Variants in TMEM204 observed in about 807,000 individuals in gnomAD.
The protein encoded by TMEM204 is transmembrane protein 204.
TMEM204 carries 15 observed loss-of-function variants against 19.4 expected under a neutral mutation model. That is an observed-to-expected ratio of 0.77 (90% CI 0.52 to 1.19). The LOEUF is 1.19. Among genes scored for constraint, TMEM204 ranks in the 50% most tolerant of loss-of-function variants. The pLI is 0.00. For missense variants in TMEM204, 287 were observed against 321.2 expected (o/e 0.89, Z 0.81); for synonymous variants, 161 against 146.0 (o/e 1.10, Z -0.74).
rs2030801125 is a variant in TMEM204 at position 1,534,123 on chromosome 16, A to G, written c.-153A>G. On this transcript the variant is annotated 5_prime_UTR_variant, in exon 1 of 3. Transcript: ENST00000566264. ...ATAAGGCCGGGCCGAGAGGCGGCAC[A>G]CCTGGACCATCCCATGGGCCTCCGC... The G allele has an allele frequency of 1.1e-6, 1 of 944,706 alleles. No homozygotes were observed. Among genetic ancestry groups the G allele is most frequent in the Admixed American group, 3.0e-5 (1 of 33,586 alleles). The allele number at this position is 944,706 out of a possible 1,614,324, so 58.5% of individuals were successfully genotyped here.
rs890623041 is a variant in TMEM204 at position 1,553,634 on chromosome 16, G to A, written c.437-1148G>A. 28 of 1,046,420 alleles carry A rather than the reference G, an allele frequency of 2.7e-5. No individual in the cohort carries two copies. The highest frequency in any genetic ancestry group is 3.1e-5 in the Non-Finnish European group (27 of 860,048). The allele number at this position is 1,046,420 out of a possible 1,614,324, so 64.8% of individuals were successfully genotyped here. A position where few individuals can be genotyped will look rare whatever the true frequency, so the allele number is the denominator to read the frequency against. ...AAGAAACAGACTCACTCAGGTTACT[G>A]TAACAGAGAGGGAGGGGTGCTGGGT... On this transcript the variant is annotated intron_variant, in intron 2 of 2. Transcript: ENST00000566264. The surrounding 1 kb of genome is among the most constrained non-coding windows in gnomAD (Gnocchi z 4.4).
intron 1 of TMEM204, among the ~76,000 whole-genome samples, 179 bp from the exon 2 acceptor site, chr16:1,541,742 G>T (rs2031659661): frequency 6.6e-6 from 1 of 152,152 alleles, no homozygotes; most frequent in South Asian, 2.1e-4. Flanking sequence ...GGGACCCAGG[G>T]CTTGCAGGCA....
At position 1,545,152 on chromosome 16, in the gene TMEM204, C is replaced by G. The variant is rs367635945; in HGVS notation, c.436+3076C>G. On this transcript the variant is annotated intron_variant, in intron 2 of 2. Transcript: ENST00000566264. ...CTAAACCGAGCTGTCTTACAGCATT[C>G]CCGGGGGACAGGGCTGGAGGCCTTC... Among the ~76,000 whole-genome samples the G allele has an allele frequency of 1.1e-4, 16 of 152,356 alleles. No individual in the cohort carries two copies. In the East Asian group the frequency reaches 2.7e-3, roughly 26 times the overall value.
chr16:1,542,121 G>C (rs2031711323), intron 2 of TMEM204, 45 bp downstream of exon 2: 1 of 1,522,202 alleles, frequency 6.6e-7, no homozygotes, highest in Non-Finnish European at 8.8e-7. Flanking sequence ...TGCCCCCTGT[G>C]GCCTTCTGGT....
In TMEM204 at chr16:1,553,605, G is replaced by A. The variant is rs2032856362; in HGVS notation, c.437-1177G>A. The A allele has an allele frequency of 9.7e-7, 1 of 1,027,920 alleles. No individual in the cohort carries two copies. The highest frequency in any genetic ancestry group is 1.2e-6 in the Non-Finnish European group (1 of 853,922). The allele number at this position is 1,027,920 out of a possible 1,614,324, so 63.7% of individuals were successfully genotyped here. On this transcript the variant is annotated intron_variant, in intron 2 of 2. Transcript: ENST00000566264. The surrounding 1 kb of genome is among the most constrained non-coding windows in gnomAD (Gnocchi z 4.4). The stretch of plus-strand genomic sequence containing the variant: ...TTACAGAGAGTCTCTGGCACTTTGG[G>A]TACAAGAAACAGACTCACTCAGGTT...
intron 2 of TMEM204, among the ~76,000 whole-genome samples, chr16:1,550,565 G>A (rs566925148): frequency 3.3e-5 from 5 of 152,380 alleles, no homozygotes; most frequent in South Asian, 4.1e-4. Flanking sequence ...GGGACCCAGC[G>A]TCTCAGGGCT....
chr16:1,553,525 G>C lies in TMEM204; in HGVS notation c.437-1257G>C. On this transcript the variant is annotated intron_variant, in intron 2 of 2. Transcript: ENST00000566264. This position sits in a 1 kb window ranked among gnomAD's most constrained non-coding sequence, Gnocchi z 4.4. ...TGGCCGGAGCCTGGGGAGGGACATG[G>C]ACAAGTCCTCTATGGACAAGAGGGG... 1 of 995,116 alleles carries C rather than the reference G, an allele frequency of 1.0e-6. No homozygotes were observed. 61.6% of individuals were successfully genotyped at this position (995,116 alleles called of 1,614,324 possible). A position where few individuals can be genotyped will look rare whatever the true frequency, so the allele number is the denominator to read the frequency against.
At chr16:1,537,922 G>A (rs1329567407) in intron 1 of TMEM204, among the ~76,000 whole-genome samples, 4 of 152,210 alleles carry the variant, frequency 2.6e-5, no homozygotes, top group African/African-American at 4.8e-5. Context: ...GAATACAGGT[G>A]GAGGACAGAG....
chr16:1,549,616 G>T (rs1285823593), intron 2 of TMEM204, among the ~76,000 whole-genome samples: 1 of 151,984 alleles, frequency 6.6e-6, no homozygotes, highest in Non-Finnish European at 1.5e-5. Context: ...ACCTTTAGTA[G>T]AGATGGGGTT....
chr16:1,534,477 G>A lies in TMEM204; in HGVS notation c.202G>A (p.Val68Met). ...GPSPGARAGQVDAHDCEALGW... is the reference protein window; with the variant it reads ...GPSPGARAGQMDAHDCEALGW... ...GAGCCCTGGGGCCAGAGCCGGCCAG[G>A]TGGACGCACATGACTGTGAGGCGCT... The change falls in exon 1 of 3, where the codon GTG (valine) becomes ATG (methionine). Residue 68 changes from valine to methionine, a missense_variant. Transcript: ENST00000566264. 1 of 1,610,790 alleles carries A rather than the reference G, an allele frequency of 6.2e-7. No individual in the cohort carries two copies. The highest frequency in any genetic ancestry group is 8.5e-7 in the Non-Finnish European group (1 of 1,179,870).
intron 2 of TMEM204, chr16:1,554,054 G>T: frequency 1.6e-6 from 2 of 1,287,176 alleles, no homozygotes; most frequent in Non-Finnish European, 2.0e-6. Flanking sequence ...GAAAGAGAGG[G>T]GAAAGCATGG....
rs575578519 is a variant in TMEM204, at chr16:1,541,861, C to T, written c.281-60C>T. ...AGAGACCACGAAAGTGGCGTGACGG[C>T]TGGCGTGGCCTCTGGAGCCCACCTG... On this transcript the variant is annotated intron_variant, in intron 1 of 2. Transcript: ENST00000566264. 37 of 1,489,398 alleles carry T rather than the reference C, an allele frequency of 2.5e-5. No individual in the cohort carries two copies. In the East Asian group the frequency reaches 8.8e-4, roughly 35 times the overall value. 92.3% of individuals were successfully genotyped at this position (1,489,398 alleles called of 1,614,324 possible). A position where few individuals can be genotyped will look rare whatever the true frequency, so the allele number is the denominator to read the frequency against.
chr16:1,541,599 G>T, intron 1 of TMEM204: 1 of 662,222 alleles, frequency 1.5e-6, no homozygotes, highest in Non-Finnish European at 1.9e-6. Context: ...GCGCCTTCAA[G>T]GGTCAAGTCA....
intron 1 of TMEM204, among the ~76,000 whole-genome samples, chr16:1,537,429 C>T (rs551816923): frequency 2.6e-5 from 4 of 152,370 alleles, no homozygotes; most frequent in Admixed American, 2.0e-4. Flanking sequence ...GGACAGGGGA[C>T]GCGCCCCGGA....
At chr16:1,544,350 ATT>A (rs557776071) in intron 2 of TMEM204, among the ~76,000 whole-genome samples, 3 of 151,302 alleles carry the variant, frequency 2.0e-5, no homozygotes, top group South Asian at 2.1e-4. Flanking sequence ...TGCCCGGCTA[ATT>A]TTTTTTGTAT....
upstream of TMEM204, chr16:1,533,272 C>G (rs535655598): frequency 1.3e-5 from 2 of 152,058 alleles, no homozygotes; most frequent in East Asian, 3.9e-4. This position sits in a 1 kb window ranked among gnomAD's most constrained non-coding sequence, Gnocchi z 4.7. Flanking sequence ...GTGGCGGGGG[C>G]AGGCCTGGAA....
upstream of TMEM204, among the ~76,000 whole-genome samples, chr16:1,529,364 G>T (rs569047252): frequency 1.3e-5 from 2 of 152,348 alleles, no homozygotes; most frequent in Admixed American, 6.5e-5. Flanking sequence ...CACTGCCATT[G>T]CATGCGTGTC....
intron 2 of TMEM204, among the ~76,000 whole-genome samples, chr16:1,546,740 CG>C (rs1319369063): frequency 5.3e-5 from 8 of 152,164 alleles, no homozygotes; most frequent in African/African-American, 1.7e-4. Flanking sequence ...ACACAGGGCC[CG>C]GGCCTCAGGG....
chr16:1,538,280 T>C (rs901023879), intron 1 of TMEM204, among the ~76,000 whole-genome samples: 2 of 152,024 alleles, frequency 1.3e-5, no homozygotes, highest in African/African-American at 4.8e-5. Context: ...GCCCCTGCCA[T>C]GGTGTGTGGC....
Sources: gnomAD v4.1 joint callset for allele counts (sites outside exome capture counted in the v4.1 genomes callset) on GRCh38, gnomAD v4.1.1 for gene constraint, Gnocchi (gnomAD v3.1) non-coding constraint, MANE v1.5 for transcripts, NCBI Gene and HGNC (gene_info 2026-07-23, HGNC 2026-07-21) for gene names.